SAMD12: variants seen among roughly 807,000 people sequenced by gnomAD.
SAMD12 encodes the protein sterile alpha motif domain-containing protein 12.
A neutral mutation model predicts 15.0 loss-of-function variants in SAMD12; 9 were observed. The ratio of observed to expected loss-of-function variants is 0.60; its 90% confidence interval spans 0.36 to 1.05. The LOEUF (loss-of-function observed/expected upper bound fraction) is 1.05. SAMD12 is among the 50% of genes least tolerant of loss of function. The probability of loss-of-function intolerance (pLI) is 0.01; values close to 1 mark genes in which losing one functional copy is unlikely to be tolerated. For synonymous variants in SAMD12, 86 were observed against 90.1 expected (o/e 0.96, Z 0.25); for missense variants, 230 against 234.2 (o/e 0.98, Z 0.12).
At chr8:118,582,971 T>C (rs539931869) in intron 1 of SAMD12, among the ~76,000 whole-genome samples, 1 of 152,272 alleles carries the variant, frequency 6.6e-6, no homozygotes, top group African/African-American at 2.4e-5. Flanking sequence ...TGGGTCCCTT[T>C]GTAGCATCTA....
intron 2 of SAMD12, among the ~76,000 whole-genome samples, chr8:118,480,743 T>G (rs16891084): frequency 0.032 from 4,862 of 152,100 alleles, 205 homozygotes; most frequent in African/African-American, 0.097. Flanking sequence ...TTCAGATCCT[T>G]CCCCTTAATG....
At chr8:118,132,063 T>C in the SAMD12 span, among the ~76,000 whole-genome samples, 1 of 152,216 alleles carries the variant, frequency 6.6e-6, no homozygotes, top group East Asian at 1.9e-4. Context: ...ACAATATTTT[T>C]CCATTCATAT....
intron 3 of SAMD12, among the ~76,000 whole-genome samples, chr8:118,400,860 A>C (rs980462383): frequency 6.6e-6 from 1 of 152,184 alleles, no homozygotes; most frequent in East Asian, 1.9e-4. Context: ...AGAACTGAGA[A>C]TGGAAAAAAA....
chr8:118,604,571 C>A (rs1289454822), intron 1 of SAMD12, among the ~76,000 whole-genome samples: 4 of 151,992 alleles, frequency 2.6e-5, no homozygotes, highest in Non-Finnish European at 5.9e-5. Flanking sequence ...AACATGAAAC[C>A]CCAAAAGAAA....
rs1819544617 is a variant in SAMD12 at position 118,379,348 on chromosome 8, C to T, written c.*69G>A. On this transcript the variant is annotated 3_prime_UTR_variant, in exon 4 of 4. Coordinates refer to ENST00000314727, the MANE Select transcript of SAMD12 (RefSeq NM_207506.3). ...GTTAGCTCAGGTAATTCTGTTTGCT[C>T]ATCCATTACTTATTTGTGCATCCTT... 2 of 1,546,770 alleles carry T rather than the reference C, an allele frequency of 1.3e-6. No homozygotes were observed. The highest frequency in any genetic ancestry group is 1.2e-5 in the South Asian group (1 of 81,166).
chr8:118,410,709 G>A (rs1314135274), intron 3 of SAMD12, among the ~76,000 whole-genome samples: 3 of 152,142 alleles, frequency 2.0e-5, no homozygotes, highest in East Asian at 1.9e-4. Flanking sequence ...GTGAATACCC[G>A]AGAATGGCTT....
At chr8:118,240,722 G>A (rs768513652) in intron 4 of SAMD12, among the ~76,000 whole-genome samples, 2 of 151,752 alleles carry the variant, frequency 1.3e-5, no homozygotes, top group African/African-American at 2.4e-5. Context: ...TTAAAGTGCC[G>A]ACTACAAGCG....
exon 5 of SAMD12, chr8:118,189,632 C>T (rs1008752328): frequency 3.9e-5 from 6 of 152,042 alleles, no homozygotes; most frequent in Non-Finnish European, 8.8e-5. Flanking sequence ...CATTTTTATC[C>T]ATTTTATAAG....
At chr8:118,612,036 C>T (rs536963633) in intron 1 of SAMD12, among the ~76,000 whole-genome samples, 2 of 152,250 alleles carry the variant, frequency 1.3e-5, no homozygotes, top group African/African-American at 2.4e-5. Flanking sequence ...AAATATAAGC[C>T]TCACCCCTGC....
At chr8:118,157,611 G>A in the SAMD12 span, among the ~76,000 whole-genome samples, 28 of 152,250 alleles carry the variant, frequency 1.8e-4, no homozygotes, top group Non-Finnish European at 1.2e-4. Flanking sequence ...GTTGCTGGAC[G>A]TACTCTTTAT....
At chr8:118,477,158 C>T (rs143548481) in intron 2 of SAMD12, among the ~76,000 whole-genome samples, 6,492 of 151,900 alleles carry the variant, frequency 0.043, 376 homozygotes, top group African/African-American at 0.13. Flanking sequence ...TTCCACCTCC[C>T]GAGTTCAAGC....
At chr8:118,146,198 A>C in the SAMD12 span, among the ~76,000 whole-genome samples, 2 of 152,228 alleles carry the variant, frequency 1.3e-5, no homozygotes, top group Non-Finnish European at 2.9e-5. Context: ...TGAAGGAGGC[A>C]GGGGTAGGCA....
downstream of SAMD12, among the ~76,000 whole-genome samples, chr8:118,374,331 C>T (rs545931191): frequency 2.1e-4 from 32 of 152,098 alleles, no homozygotes; most frequent in African/African-American, 7.2e-4. Context: ...TTTTAAAGGC[C>T]GAATAATATT....
At chr8:118,593,795 G>C (rs1348316849) in intron 1 of SAMD12, among the ~76,000 whole-genome samples, 1 of 152,140 alleles carries the variant, frequency 6.6e-6, no homozygotes, top group African/African-American at 2.4e-5. Flanking sequence ...CTTTTCTATA[G>C]TTGTGTAATT....
intron 2 of SAMD12, among the ~76,000 whole-genome samples, chr8:118,530,250 T>C (rs1017915279): frequency 6.6e-6 from 1 of 152,248 alleles, no homozygotes; most frequent in Non-Finnish European, 1.5e-5. Context: ...CAGAGGTACA[T>C]GTACAGGTTT....
intron 3 of SAMD12, 39 bp from the exon 4 acceptor site, chr8:118,379,739 C>A: frequency 1.3e-6 from 2 of 1,595,298 alleles, no homozygotes; most frequent in Admixed American, 1.7e-5. Flanking sequence ...AGCAAATGAA[C>A]TACTTGCTGA....
At chr8:118,323,483 C>T (rs765908839) in intron 4 of SAMD12, among the ~76,000 whole-genome samples, 8 of 152,150 alleles carry the variant, frequency 5.3e-5, no homozygotes, top group South Asian at 2.1e-4. Context: ...AAATCTACAC[C>T]GAACGTGGTG....
the SAMD12 span, among the ~76,000 whole-genome samples, chr8:118,182,776 G>A: frequency 2.6e-5 from 4 of 152,068 alleles, no homozygotes; most frequent in Admixed American, 1.3e-4. Context: ...TTTTGAGAGC[G>A]ACAGCACAAA....
intron 4 of SAMD12, among the ~76,000 whole-genome samples, chr8:118,318,306 A>ATGTG (rs1245583708): frequency 2.9e-4 from 24 of 82,246 alleles, no homozygotes; most frequent in African/African-American, 1.1e-3. Flanking sequence ...TGGGAGATAT[A>ATGTG]TGTGTATATA....
Sources: gnomAD v4.1 joint callset for allele counts (sites outside exome capture counted in the v4.1 genomes callset) on GRCh38, gnomAD v4.1.1 for gene constraint, MANE v1.5 for transcripts, NCBI Gene and HGNC (gene_info 2026-07-23, HGNC 2026-07-21) for gene names.